Variants in CADPS observed in about 807,000 individuals in gnomAD.
CADPS encodes the protein calcium dependent secretion activator, also known as calcium-dependent secretion activator 1.
CADPS carries 57 observed loss-of-function variants against 167.3 expected under a neutral mutation model. That is an observed-to-expected ratio of 0.34 (90% CI 0.28 to 0.42). The LOEUF is 0.42. Among genes scored for constraint, CADPS ranks in the 20% least tolerant of loss-of-function variants. The pLI, the probability that CADPS is intolerant of heterozygous loss-of-function variation, is 1.00. For missense variants in CADPS, 1,414 were observed against 1,738.1 expected (o/e 0.81, Z 3.32); for synonymous variants, 676 against 635.3 (o/e 1.06, Z -0.96).
intron 3 of CADPS, among the ~76,000 whole-genome samples, chr3:62,739,996 T>C (rs138516321): frequency 6.6e-6 from 1 of 152,360 alleles, no homozygotes; most frequent in Non-Finnish European, 1.5e-5. Context: ...TAATGCTGGA[T>C]AGCCAACAAC....
intron 18 of CADPS, among the ~76,000 whole-genome samples, chr3:62,494,938 C>T (rs544896989): frequency 9.9e-5 from 15 of 152,180 alleles, no homozygotes; most frequent in Admixed American, 9.8e-4. Context: ...GCTGGGATTA[C>T]AGGCATGAGC....
At position 62,438,419 on chromosome 3, in the gene CADPS, A is replaced by G. The variant is rs192286337; in HGVS notation, c.3670-208T>C. The G allele has an allele frequency of 2.0e-6, 1 of 512,252 alleles. No individual in the cohort carries two copies. The highest frequency in any genetic ancestry group is 3.4e-5 in the East Asian group (1 of 29,662). The allele number at this position is 512,252 out of a possible 1,614,324, so 31.7% of individuals were successfully genotyped here. A position where few individuals can be genotyped will look rare whatever the true frequency, so the allele number is the denominator to read the frequency against. ...CTCTTTCCAGAAATCAAGCCTGGCT[A>G]AGAAGGGCATTGAGATTGTAGGATT... On this transcript the variant is annotated intron_variant, in intron 27 of 29. Transcript: ENST00000383710. This position sits in a 1 kb window ranked among gnomAD's most constrained non-coding sequence, Gnocchi z 4.7.
chr3:62,516,952 C>T (rs962445153), intron 14 of CADPS, among the ~76,000 whole-genome samples: 1 of 152,116 alleles, frequency 6.6e-6, no homozygotes, highest in East Asian at 1.9e-4. Flanking sequence ...TCAAATGTGA[C>T]CTTATATGTT....
intron 6 of CADPS, among the ~76,000 whole-genome samples, chr3:62,605,252 A>AC (rs1553982040): frequency 1.6e-4 from 20 of 127,710 alleles, no homozygotes; most frequent in African/African-American, 4.4e-4. Context: ...GGGAAAAACA[A>AC]AAAAAAAAAA....
chr3:62,597,563 A>T (rs188821351), intron 6 of CADPS, among the ~76,000 whole-genome samples: 94 of 152,188 alleles, frequency 6.2e-4, no homozygotes, highest in African/African-American at 2.2e-3. Context: ...ATTTCTTGGC[A>T]TGTTCAGTGG....
intron 3 of CADPS, among the ~76,000 whole-genome samples, chr3:62,743,623 C>T (rs904731247): frequency 2.6e-5 from 4 of 152,182 alleles, no homozygotes; most frequent in Admixed American, 2.6e-4. Flanking sequence ...ATAAGAAAAA[C>T]AAGCATTCCC....
In CADPS at chr3:62,400,543, A is replaced by G. The variant is rs72881272; in HGVS notation, c.3883-958T>C. On this transcript the variant is annotated intron_variant, in intron 29 of 29. Coordinates refer to ENST00000383710, the MANE Select transcript of CADPS (RefSeq NM_003716.4). ...ATATAGGAAACTTGCTAAAGGGGCA[A>G]GACAAGGAATGCTAACATACGTCAA... Among the ~76,000 whole-genome samples the G allele has an allele frequency of 4.9e-3, 751 of 151,880 alleles. 7 individuals are homozygous for G. Among genetic ancestry groups the G allele is most frequent in the African/African-American group, 0.016 (664 of 41,430 alleles).
intron 10 of CADPS, among the ~76,000 whole-genome samples, chr3:62,555,477 A>T (rs2077987326): frequency 6.6e-6 from 1 of 152,236 alleles, no homozygotes; most frequent in Non-Finnish European, 1.5e-5. Flanking sequence ...GACATGGGTT[A>T]GACCCGGAGT....
chr3:62,812,406 C>T (rs1303763120), intron 1 of CADPS, among the ~76,000 whole-genome samples: 1 of 152,172 alleles, frequency 6.6e-6, no homozygotes, highest in Non-Finnish European at 1.5e-5. Flanking sequence ...TTAGTGAGTA[C>T]TAGAGCTGAA....
chr3:62,493,592 GAGGC>G, intron 19 of CADPS, 49 bp downstream of exon 19: 1 of 1,412,814 alleles, frequency 7.1e-7, no homozygotes, highest in Non-Finnish European at 9.8e-7. Context: ...CAGCCACTAG[GAGGC>G]AGAATAGGGG....
intron 8 of CADPS, among the ~76,000 whole-genome samples, chr3:62,573,284 A>G (rs1332703471): frequency 6.6e-6 from 1 of 151,994 alleles, no homozygotes; most frequent in African/African-American, 2.4e-5. Flanking sequence ...TATTCACATT[A>G]TTTTTTATTA....
chr3:62,559,867 A>G (rs1026390426), intron 9 of CADPS, among the ~76,000 whole-genome samples: 6 of 152,164 alleles, frequency 3.9e-5, no homozygotes, highest in Admixed American at 3.9e-4. Context: ...TGATTGGCCA[A>G]ACAGAGAGTT....
chr3:62,478,163 T>G lies in CADPS; in HGVS notation c.3329+98A>C. On this transcript the variant is annotated intron_variant, in intron 23 of 29. Coordinates refer to ENST00000383710, the MANE Select transcript of CADPS (RefSeq NM_003716.4). The surrounding 1 kb of genome is among the most constrained non-coding windows in gnomAD (Gnocchi z 5.7). Reference sequence around the variant, plus strand: ...AAGCAATCCCCTTCTCCAATTAGTTTCAAACTACAGCCAATTGAAAGAGCA... The same window carrying G: ...AAGCAATCCCCTTCTCCAATTAGTTGCAAACTACAGCCAATTGAAAGAGCA... 7.4e-7 allele frequency: 1 copy of G among 1,354,468 alleles called. No homozygotes were observed. Among genetic ancestry groups the G allele is most frequent in the African/African-American group, 1.4e-5 (1 of 69,544 alleles). 83.9% of individuals were successfully genotyped at this position (1,354,468 alleles called of 1,614,324 possible).
chr3:62,627,636 C>A (rs923567302), intron 6 of CADPS, among the ~76,000 whole-genome samples: 32 of 75,482 alleles, frequency 4.2e-4, no homozygotes. Context: ...TATGGTAATA[C>A]AGAATTAAAA....
intron 2 of CADPS, among the ~76,000 whole-genome samples, chr3:62,759,325 C>A (rs117766600): frequency 2.0e-5 from 3 of 152,046 alleles, no homozygotes; most frequent in South Asian, 2.1e-4. Context: ...GCCTACTATT[C>A]GGCTAAGAAT....
intron 26 of CADPS, among the ~76,000 whole-genome samples, chr3:62,461,390 A>G (rs1042069805): frequency 2.6e-5 from 4 of 152,188 alleles, no homozygotes; most frequent in African/African-American, 9.7e-5. Flanking sequence ...GAGCTGGGTT[A>G]CCATCCCAGT....
intron 18 of CADPS, among the ~76,000 whole-genome samples, chr3:62,494,669 ATT>A (rs56153630): frequency 3.1e-4 from 37 of 118,588 alleles, no homozygotes; most frequent in African/African-American, 6.8e-4. Context: ...CTTACCAGCA[ATT>A]TTTTTTTTTT....
intron 13 of CADPS, among the ~76,000 whole-genome samples, chr3:62,521,774 G>A (rs1378787477): frequency 6.6e-6 from 1 of 152,180 alleles, no homozygotes; most frequent in Admixed American, 6.5e-5. Flanking sequence ...ATTTGGAGGA[G>A]TGGCCTCAGC....
chr3:62,837,257 C>T (rs1220874938), intron 1 of CADPS, among the ~76,000 whole-genome samples: 1 of 152,138 alleles, frequency 6.6e-6, no homozygotes, highest in Non-Finnish European at 1.5e-5. Flanking sequence ...CCCAAAATCG[C>T]ACAGCTTGTA....
Sources: allele counts gnomAD v4.1 joint callset (sites outside exome capture counted in the v4.1 genomes callset), GRCh38; gene constraint gnomAD v4.1.1; non-coding constraint Gnocchi (gnomAD v3.1); transcripts MANE v1.5; gene names NCBI Gene and HGNC (gene_info 2026-07-23, HGNC 2026-07-21).